Variants in GABRB3 observed in about 807,000 individuals in gnomAD.
GABRB3 encodes gamma-aminobutyric acid receptor subunit beta-3.
In GABRB3, 14 loss-of-function variants were observed where a neutral mutation model predicts 52.1. The ratio of observed to expected loss-of-function variants is 0.27; its 90% CI spans 0.18 to 0.42. The LOEUF (loss-of-function observed/expected upper bound fraction) is 0.42. Ranked by LOEUF, GABRB3 falls within the 10% of genes least tolerant of loss-of-function variation. The pLI, the probability that GABRB3 is intolerant of heterozygous loss-of-function variation, is 1.00. For missense variants in GABRB3, 307 were observed against 609.1 expected (o/e 0.50, Z 5.22); for synonymous variants, 260 against 232.3 (o/e 1.12, Z -1.08).
intron 3 of GABRB3, among the ~76,000 whole-genome samples, chr15:26,640,895 G>A (rs958483435): frequency 1.2e-4 from 19 of 152,174 alleles, no homozygotes; most frequent in Admixed American, 2.0e-4. Context: ...CAGAATTAGG[G>A]TTTATAATTT....
At chr15:26,749,064 T>C (rs191386298) in intron 3 of GABRB3, among the ~76,000 whole-genome samples, 2 of 152,116 alleles carry the variant, frequency 1.3e-5, no homozygotes, top group East Asian at 3.9e-4. Context: ...GACAAAATCA[T>C]CTGCTTGGTT....
chr15:26,615,787 C>T (rs1892231287), intron 4 of GABRB3: 6 of 1,172,124 alleles, frequency 5.1e-6, no homozygotes, highest in Non-Finnish European at 6.4e-6. Context: ...CCAGTGTAGG[C>T]TACTGCTGGA....
intron 8 of GABRB3, among the ~76,000 whole-genome samples, chr15:26,551,497 T>C (rs1023023296): frequency 3.9e-5 from 6 of 152,218 alleles, no homozygotes; most frequent in African/African-American, 1.4e-4. Context: ...GGCCTTCGCC[T>C]GCCCAGTGCT....
chr15:26,581,051 A>T (rs143043803), intron 5 of GABRB3: 44 of 209,108 alleles, frequency 2.1e-4, no homozygotes, highest in African/African-American at 7.4e-4. Flanking sequence ...AGATGGGCAC[A>T]GGTGGTCTCA....
At chr15:26,706,436 G>C (rs1180117062) in intron 3 of GABRB3, among the ~76,000 whole-genome samples, 1 of 71,096 alleles carries the variant, frequency 1.4e-5, no homozygotes, top group African/African-American at 3.1e-5. Context: ...TCAAATTGAG[G>C]GGTTTTTTTT....
intron 3 of GABRB3, among the ~76,000 whole-genome samples, chr15:26,768,752 G>A (rs1425051898): frequency 6.6e-6 from 1 of 151,624 alleles, no homozygotes; most frequent in Admixed American, 6.6e-5. Context: ...AGAAACAAGA[G>A]GGAAGTTACA....
intron 4 of GABRB3, among the ~76,000 whole-genome samples, chr15:26,588,485 C>A (rs1412862817): frequency 6.6e-6 from 1 of 152,138 alleles, no homozygotes; most frequent in Non-Finnish European, 1.5e-5. Context: ...GTTCCCAATG[C>A]CACTGGAAGG....
intron 3 of GABRB3, among the ~76,000 whole-genome samples, chr15:26,666,965 C>A (rs1887733536): frequency 6.6e-6 from 1 of 152,056 alleles, no homozygotes; most frequent in Non-Finnish European, 1.5e-5. Flanking sequence ...AGTTATCCAT[C>A]CCTTCTGAAA....
At chr15:26,624,009 C>T (rs903847379) in intron 3 of GABRB3, among the ~76,000 whole-genome samples, 2 of 152,122 alleles carry the variant, frequency 1.3e-5, no homozygotes, top group Admixed American at 6.5e-5. Flanking sequence ...AACACAAAGC[C>T]GCCTGTGAGG....
Position 26,772,944 on chromosome 15 carries a change from C to G in GABRB3, c.19G>C (p.Gly7Arg). 6.8e-7 allele frequency: 1 copy of G among 1,478,156 alleles called. No homozygotes were observed. Among genetic ancestry groups the G allele is most frequent in the East Asian group, 3.0e-5 (1 of 33,200 alleles). The allele number at this position is 1,478,156 out of a possible 1,614,324, so 91.6% of individuals were successfully genotyped here. The change falls in exon 1 of 9, where the codon GGA (glycine) becomes CGA (arginine). Residue 7 changes from glycine to arginine, a missense_variant. This residue lies in a region of GABRB3 where 90 missense variants were observed against 86.4 expected (regional missense o/e 1.04). Transcript: ENST00000311550. Reference protein sequence around the residue: MWGLAGGRLFGIFSAPV... With the variant: MWGLAGRRLFGIFSAPV... Reference sequence around the variant, plus strand: ...GCCGAGAAGATGCCGAAAAGCCTTCCTCCCGCAAGGCCCCACATCCCTCCG... The same window carrying G: ...GCCGAGAAGATGCCGAAAAGCCTTCGTCCCGCAAGGCCCCACATCCCTCCG...
intron 3 of GABRB3, 54 bp downstream of exon 3, chr15:26,772,348 T>C: frequency 6.7e-7 from 1 of 1,500,490 alleles, no homozygotes; most frequent in Non-Finnish European, 9.1e-7. Context: ...ACGCCTGTGA[T>C]CCCAGACAGC....
Position 26,711,442 on chromosome 15 carries a change from T to C in GABRB3, c.240+60960A>G, listed in dbSNP as rs537153523. On this transcript the variant is annotated intron_variant, in intron 3 of 8. Transcript: ENST00000311550. Reference sequence around the variant, plus strand: ...TTACAGCTTCGTGACGGATGTGGCATATTCTAAATCCACTGCTCCGCTCGG... The same window carrying C: ...TTACAGCTTCGTGACGGATGTGGCACATTCTAAATCCACTGCTCCGCTCGG... 7.4e-4 allele frequency among the ~76,000 whole-genome samples: 104 copies of C among 141,104 alleles called. 1 individual carries two copies. Among genetic ancestry groups the C allele is most frequent in the South Asian group, 6.8e-3 (28 of 4,118 alleles). 92.6% of individuals were successfully genotyped at this position (141,104 alleles called of 152,430 possible). A position where few individuals can be genotyped will look rare whatever the true frequency, so the allele number is the denominator to read the frequency against.
intron 3 of GABRB3, among the ~76,000 whole-genome samples, chr15:26,644,017 C>T (rs1198347568): frequency 6.6e-6 from 1 of 152,060 alleles, no homozygotes; most frequent in Admixed American, 6.5e-5. Flanking sequence ...AGTTGGGCAG[C>T]GATGACTGAG....
intron 4 of GABRB3, among the ~76,000 whole-genome samples, chr15:26,607,593 C>G (rs1891884999): frequency 2.4e-5 from 1 of 41,286 alleles, no homozygotes; most frequent in South Asian, 8.6e-4. Flanking sequence ...ACCAAACAAA[C>G]AAAACAAAAC....
intron 3 of GABRB3, among the ~76,000 whole-genome samples, chr15:26,654,302 T>C (rs1049983728): frequency 6.6e-6 from 1 of 152,050 alleles, no homozygotes; most frequent in Admixed American, 6.6e-5. Flanking sequence ...CCCGCCACCA[T>C]GCCTGGCTAA....
chr15:26,676,136 C>T (rs1471097768), intron 3 of GABRB3, among the ~76,000 whole-genome samples: 2 of 152,230 alleles, frequency 1.3e-5, no homozygotes, highest in Non-Finnish European at 2.9e-5. Flanking sequence ...TCCATAAGCA[C>T]AGAGCACACC....
At chr15:26,767,490 T>C (rs1331964231) in intron 3 of GABRB3, among the ~76,000 whole-genome samples, 1 of 152,226 alleles carries the variant, frequency 6.6e-6, no homozygotes, top group East Asian at 1.9e-4. Context: ...GTATCAATTG[T>C]GTCCCCACAC....
chr15:26,712,229 G>T (rs1889322562), intron 3 of GABRB3, among the ~76,000 whole-genome samples: 1 of 151,684 alleles, frequency 6.6e-6, no homozygotes, highest in Non-Finnish European at 1.5e-5. Flanking sequence ...GCCCAGGCTG[G>T]TCTTGAACTC....
intron 5 of GABRB3, among the ~76,000 whole-genome samples, chr15:26,583,119 T>G (rs1890848239): frequency 6.6e-6 from 1 of 152,188 alleles, no homozygotes; most frequent in African/African-American, 2.4e-5. Flanking sequence ...TGTTTTCTTC[T>G]ATTTCAGCGC....
Sources: gnomAD v4.1 joint callset for allele counts (sites outside exome capture counted in the v4.1 genomes callset) on GRCh38, gnomAD v4.1.1 for gene constraint, gnomAD v4.1.1 regional missense constraint, MANE v1.5 for transcripts, NCBI Gene and HGNC (gene_info 2026-07-23, HGNC 2026-07-21) for gene names.